Variants in DPF1 observed in about 807,000 individuals in gnomAD.
DPF1 encodes the protein zinc finger protein neuro-d4.
Under a neutral mutation model 58.7 loss-of-function variants are expected in DPF1, and 14 were observed. The ratio of observed to expected loss-of-function variants is 0.24; its 90% confidence interval spans 0.16 to 0.37. The LOEUF (loss-of-function observed/expected upper bound fraction) is 0.37, where lower values mean the gene tolerates loss of function less well. DPF1 is among the 10% of genes least tolerant of loss of function. DPF1 has a pLI of 1.00. For missense variants in DPF1, 345 were observed against 529.9 expected (o/e 0.65, Z 3.43); for synonymous variants, 216 against 216.0 (o/e 1.00, Z 0.00).
Position 38,224,081 on chromosome 19 carries a change from G to C in DPF1, c.29+33C>G, listed in dbSNP as rs765695010. ...CACAGGCCCGCGTAGACCCGCCCGCGCTTCCTCTCCGCCTCCCGCCGGCCC... is the reference window on the plus strand; with the variant it reads ...CACAGGCCCGCGTAGACCCGCCCGCCCTTCCTCTCCGCCTCCCGCCGGCCC... On this transcript the variant is annotated intron_variant, in intron 1 of 11. Transcript: ENST00000355526. This position sits in a 1 kb window ranked among gnomAD's most constrained non-coding sequence, Gnocchi z 4.5. The C allele has an allele frequency of 6.7e-7, 1 of 1,493,184 alleles. No individual in the cohort carries two copies. The highest frequency in any genetic ancestry group is 1.5e-5 in the African/African-American group (1 of 67,878). 92.5% of individuals were successfully genotyped at this position (1,493,184 alleles called of 1,614,324 possible).
At chr19:38,224,313 C>G, upstream of DPF1, 4 of 1,254,454 alleles carry the variant, frequency 3.2e-6, no homozygotes, top group Non-Finnish European at 4.0e-6. The surrounding 1 kb of genome is among the most constrained non-coding windows in gnomAD (Gnocchi z 4.5). Flanking sequence ...GAGTGGTAGT[C>G]CCAGGCCAGG....
In DPF1 at chr19:38,217,485, G is replaced by T; in HGVS notation, c.702C>A (p.Pro234=). 6.5e-7 allele frequency: 1 copy of T among 1,548,486 alleles called. No individual in the cohort carries two copies. The highest frequency in any genetic ancestry group is 8.7e-7 in the Non-Finnish European group (1 of 1,145,408). Residue 234 remains proline (P), a synonymous_variant, in exon 7 of 12, where the codon CCC becomes CCA. Transcript: ENST00000355526. ...GEENAERHAL[P]FHRKNNHKQF... ...GTTTATGGTTGTTTTTCCGGTGGAA[G>T]GGCAGGGCGTGGCGTTCGGCGTTCT...
At chr19:38,223,882 C>A in intron 1 of DPF1, 1 of 449,376 alleles carries the variant, frequency 2.2e-6, no homozygotes, top group East Asian at 3.7e-5. Context: ...TGTCTCCCTT[C>A]CCCAAAAAGA....
chr19:38,220,615 CAAAAAA>C (rs35250280), intron 3 of DPF1, among the ~76,000 whole-genome samples: 1 of 115,760 alleles, frequency 8.6e-6, no homozygotes, highest in Non-Finnish European at 1.8e-5. Context: ...GACTCCGTCT[CAAAAAA>C]AAAAAAGAAA....
Position 38,217,563 on chromosome 19 carries a change from C to CGGCCGGTT in DPF1, c.616_623dup (p.Gly209ThrfsTer104). The CGGCCGGTT allele has an allele frequency of 6.4e-7, 1 of 1,551,400 alleles. No homozygotes were observed. Among genetic ancestry groups the CGGCCGGTT allele is most frequent in the South Asian group, 1.2e-5 (1 of 84,044 alleles). ...TGTGGGTGTAGTGGTAGCTGAGCCC[C>CGGCCGGTT]GGCCGGTTCTTATACCGTTTCCCAC... On this transcript the variant is annotated frameshift_variant, in exon 7 of 12. Coordinates refer to ENST00000355526, the MANE Select transcript of DPF1 (RefSeq NM_001135155.3). LOFTEE classifies it high-confidence loss of function.
chr19:38,218,541 G>A lies in DPF1; in HGVS notation c.516+32C>T, dbSNP rs561010474. The A allele has an allele frequency of 4.4e-6, 7 of 1,605,084 alleles. No individual in the cohort carries two copies. The East Asian group carries it at 1.6e-4, about 36-fold the overall frequency. On this transcript the variant is annotated intron_variant, in intron 5 of 11. Transcript: ENST00000355526. ...CATGAATGAGACCTGTCATTGAGGG[G>A]AGCGGGGAAGAGGAGAAGCTTGGGG...
In DPF1 at chr19:38,222,755, C is replaced by A; in HGVS notation, c.30-47G>T. On this transcript the variant is annotated intron_variant, in intron 1 of 11. Coordinates refer to ENST00000355526, the MANE Select transcript of DPF1 (RefSeq NM_001135155.3). The surrounding 1 kb of genome is among the most constrained non-coding windows in gnomAD (Gnocchi z 4.9). The stretch of plus-strand genomic sequence containing the variant: ...GGGCGGCTGTCAGCAAGGGCAGGCG[C>A]ACAGGGTCGCCCAGCACCCCTTCCC... 6.6e-7 allele frequency: 1 copy of A among 1,512,398 alleles called. No individual in the cohort carries two copies. The highest frequency in any genetic ancestry group is 8.9e-7 in the Non-Finnish European group (1 of 1,129,804). 93.7% of individuals were successfully genotyped at this position (1,512,398 alleles called of 1,614,324 possible).
rs1967621205 is a variant in DPF1, at chr19:38,223,000, C to A, written c.30-292G>T. ...CCCTACCTGAACACATGCAGACACACAACACAAATCACACACAGTCACACG... is the reference window on the plus strand; with the variant it reads ...CCCTACCTGAACACATGCAGACACAAAACACAAATCACACACAGTCACACG... On this transcript the variant is annotated intron_variant, in intron 1 of 11. Transcript: ENST00000355526. This position sits in a 1 kb window ranked among gnomAD's most constrained non-coding sequence, Gnocchi z 4.9. 2.4e-6 allele frequency: 1 copy of A among 417,702 alleles called. No individual in the cohort carries two copies. The highest frequency in any genetic ancestry group is 4.2e-6 in the Non-Finnish European group (1 of 235,658). The allele number at this position is 417,702 out of a possible 1,614,324, so 25.9% of individuals were successfully genotyped here. A position where few individuals can be genotyped will look rare whatever the true frequency, so the allele number is the denominator to read the frequency against.
chr19:38,227,042 C>CTT (rs1393114665), upstream of DPF1, among the ~76,000 whole-genome samples: 8 of 138,120 alleles, frequency 5.8e-5, no homozygotes, highest in African/African-American at 2.2e-4. Flanking sequence ...TCCTTTCTTT[C>CTT]TTTCTTTCTT....
intron 1 of DPF1, among the ~76,000 whole-genome samples, chr19:38,223,525 A>C (rs554514290): frequency 6.6e-6 from 1 of 152,204 alleles, no homozygotes; most frequent in South Asian, 2.1e-4. Context: ...GAAACAGCCA[A>C]ATCCACCCAT....
chr19:38,227,404 G>T (rs113289017), upstream of DPF1, among the ~76,000 whole-genome samples: 1 of 149,492 alleles, frequency 6.7e-6, no homozygotes, highest in Non-Finnish European at 1.5e-5. Context: ...ACCCACAGAC[G>T]CAGGCTGACA....
chr19:38,229,307 C>A lies in DPF1; in HGVS notation c.-132+252G>T, dbSNP rs1261289276. Among the ~76,000 whole-genome samples, 1 of 152,076 alleles carries A rather than the reference C, an allele frequency of 6.6e-6. No homozygotes were observed. The highest frequency in any genetic ancestry group is 1.5e-5 in the Non-Finnish European group (1 of 67,972). On this transcript the variant is annotated intron_variant, in intron 1 of 11. Transcript: ENST00000412732. This position sits in a 1 kb window ranked among gnomAD's most constrained non-coding sequence, Gnocchi z 5.3. ...CTGGGTGGGGAAACGGCCTCCGCCA[C>A]CCCCAGCCCGCGCCGCATTCCTTCA... is the stretch of plus-strand genomic sequence containing the variant.
chr19:38,226,625 G>A (rs1967836809), upstream of DPF1, among the ~76,000 whole-genome samples: 1 of 151,772 alleles, frequency 6.6e-6, no homozygotes, highest in South Asian at 2.1e-4. Context: ...ACAGGAGGTA[G>A]GTCTCTGATT....
chr19:38,217,492 G>A lies in DPF1; in HGVS notation c.695C>T (p.Ala232Val), dbSNP rs1260616310. The A allele has an allele frequency of 1.9e-6, 3 of 1,551,196 alleles. No individual in the cohort carries two copies. Among genetic ancestry groups the A allele is most frequent in the Non-Finnish European group, 2.6e-6 (3 of 1,146,934 alleles). ...EEGEENAERH[A>V]LPFHRKNNHK... Reference sequence around the variant, plus strand: ...GTTGTTTTTCCGGTGGAAGGGCAGGGCGTGGCGTTCGGCGTTCTCCTCCCC... The same window carrying A: ...GTTGTTTTTCCGGTGGAAGGGCAGGACGTGGCGTTCGGCGTTCTCCTCCCC... Residue 232 changes from alanine (A) to valine (V), a missense_variant, in exon 7 of 12, where the codon GCC becomes GTC. Coordinates refer to ENST00000355526, the MANE Select transcript of DPF1 (RefSeq NM_001135155.3).
chr19:38,225,265 T>G (rs1044894724), upstream of DPF1, among the ~76,000 whole-genome samples: 7 of 133,490 alleles, frequency 5.2e-5, no homozygotes, highest in African/African-American at 1.9e-4. Flanking sequence ...AAATAAATAA[T>G]AAGAAAGAAA....
chr19:38,214,186 AC>A (rs1460320299), intron 9 of DPF1, among the ~76,000 whole-genome samples: 1 of 152,172 alleles, frequency 6.6e-6, no homozygotes, highest in Non-Finnish European at 1.5e-5. Flanking sequence ...TGCCATGGCA[AC>A]CACCTTCCAC....
chr19:38,226,277 T>G, upstream of DPF1, among the ~76,000 whole-genome samples: 1 of 72,048 alleles, frequency 1.4e-5, no homozygotes, highest in Non-Finnish European at 2.7e-5. Flanking sequence ...CCTTTCCCCT[T>G]CCCACCCCTT....
At chr19:38,225,800 G>A (rs1286546431), upstream of DPF1, among the ~76,000 whole-genome samples, 1 of 150,238 alleles carries the variant, frequency 6.7e-6, no homozygotes, top group Non-Finnish European at 1.5e-5. Context: ...GAGTCAGGAG[G>A]ATTGGTTGAA....
In DPF1 at chr19:38,224,162, C is replaced by T; in HGVS notation, c.-20G>A. On this transcript the variant is annotated 5_prime_UTR_variant, in exon 1 of 12. Coordinates refer to ENST00000355526, the MANE Select transcript of DPF1 (RefSeq NM_001135155.3). The surrounding 1 kb of genome is among the most constrained non-coding windows in gnomAD (Gnocchi z 4.5). ...GGCCATCTTGCTCCCCGGGTCCTGC[C>T]CCCAGCAGGTCCCCGCCGGGTCGGT... 6.9e-7 allele frequency: 1 copy of T among 1,452,854 alleles called. No homozygotes were observed. Among genetic ancestry groups the T allele is most frequent in the Non-Finnish European group, 9.0e-7 (1 of 1,106,144 alleles). The allele number at this position is 1,452,854 out of a possible 1,614,324, so 90.0% of individuals were successfully genotyped here.
Sources: allele counts gnomAD v4.1 joint callset (sites outside exome capture counted in the v4.1 genomes callset), GRCh38; gene constraint gnomAD v4.1.1; non-coding constraint Gnocchi (gnomAD v3.1); transcripts MANE v1.5; gene names NCBI Gene and HGNC (gene_info 2026-07-23, HGNC 2026-07-21).